HECW1: variants seen among roughly 807,000 people sequenced by gnomAD.
HECW1 encodes HECT, C2 and WW domain containing E3 ubiquitin protein ligase 1, also known as E3 ubiquitin-protein ligase HECW1.
HECW1 carries 61 observed loss-of-function variants against 182.3 expected under a neutral mutation model. That is an observed-to-expected ratio of 0.33 (90% CI 0.27 to 0.41). The LOEUF (loss-of-function observed/expected upper bound fraction) is 0.41, where lower values mean the gene tolerates loss of function less well. Ranked by LOEUF, HECW1 falls within the 10% of genes least tolerant of loss-of-function variation. The pLI, the probability that HECW1 is intolerant of heterozygous loss-of-function variation, is 1.00. For synonymous variants in HECW1, 859 were observed against 832.6 expected, an observed-to-expected ratio of 1.03 and a Z score of -0.55; for missense variants, 1,739 against 2,108.9, an observed-to-expected ratio of 0.82 and a Z score of 3.44.
In HECW1 at chr7:43,541,905, G is replaced by C; in HGVS notation, c.4155G>C (p.Glu1385Asp). 1 of 1,544,026 alleles carries C rather than the reference G, an allele frequency of 6.5e-7. No individual in the cohort carries two copies. Among genetic ancestry groups the C allele is most frequent in the Non-Finnish European group, 8.7e-7 (1 of 1,145,644 alleles). Residue 1385 changes from glutamate to aspartate, a missense_variant, in exon 26 of 30, where the codon GAG becomes GAC. Coordinates refer to ENST00000395891, the MANE Select transcript of HECW1 (RefSeq NM_015052.5). The part of the protein sequence containing the change: ...CDLSDLEYLD[E>D]EFHQSLQWMK... Reference sequence around the variant, plus strand: ...TGAGTGACCTGGAATATTTGGATGAGGAATTCCACCAGAGTTTGCAGTGGA... The same window carrying C: ...TGAGTGACCTGGAATATTTGGATGACGAATTCCACCAGAGTTTGCAGTGGA...
At chr7:43,202,292 C>T (rs185217820) in intron 2 of HECW1, among the ~76,000 whole-genome samples, 29 of 152,232 alleles carry the variant, frequency 1.9e-4, no homozygotes, top group Admixed American at 7.8e-4. Flanking sequence ...ATCTGTACTC[C>T]GTAGGATCTC....
chr7:43,355,401 A>G (rs1487048264), intron 5 of HECW1, among the ~76,000 whole-genome samples: 2 of 152,198 alleles, frequency 1.3e-5, no homozygotes, highest in Non-Finnish European at 2.9e-5. Flanking sequence ...AAGTAATATA[A>G]AAATATGTAA....
intron 16 of HECW1, among the ~76,000 whole-genome samples, chr7:43,476,474 C>T (rs1418520894): frequency 6.6e-6 from 1 of 151,996 alleles, no homozygotes; most frequent in African/African-American, 2.4e-5. Context: ...AAACAAAATC[C>T]CAATAGAACT....
At chr7:43,340,010 C>T (rs1036802430) in intron 5 of HECW1, among the ~76,000 whole-genome samples, 6 of 151,858 alleles carry the variant, frequency 4.0e-5, no homozygotes, top group African/African-American at 1.5e-4. Context: ...CTGTAACTCT[C>T]GCCCCATCTA....
Position 43,444,905 on chromosome 7 carries a change from C to G in HECW1, c.1733C>G (p.Ala578Gly). 6.2e-7 allele frequency: 1 copy of G among 1,601,884 alleles called. No homozygotes were observed. Among genetic ancestry groups the G allele is most frequent in the Non-Finnish European group, 8.5e-7 (1 of 1,172,930 alleles). The change falls in exon 11 of 30, where the codon GCG becomes GGG. Residue 578 changes from alanine (A) to glycine (G), a missense_variant. Around this residue, in one of 5 missense-constraint regions of HECW1, gnomAD observed 971 missense variants for 1,029.1 expected, o/e 0.94. Coordinates refer to ENST00000395891, the MANE Select transcript of HECW1 (RefSeq NM_015052.5). This position sits in a 1 kb window ranked among gnomAD's most constrained non-coding sequence, Gnocchi z 4.3. ...HSMPSAQGGSAAEEEDGAEEE... is the reference protein window; with the variant it reads ...HSMPSAQGGSGAEEEDGAEEE... ...ATGCCCTCCGCCCAGGGCGGCAGCG[C>G]GGCAGAGGAGGAGGACGGCGCGGAG...
At chr7:43,292,786 C>T (rs1805554119) in intron 3 of HECW1, among the ~76,000 whole-genome samples, 1 of 152,048 alleles carries the variant, frequency 6.6e-6, no homozygotes. Context: ...CAGCTCAGCC[C>T]CTATGATAGT....
chr7:43,228,535 G>T (rs1199173264), intron 2 of HECW1, among the ~76,000 whole-genome samples: 1 of 152,142 alleles, frequency 6.6e-6, no homozygotes, highest in Non-Finnish European at 1.5e-5. Context: ...GTTGAGTTTG[G>T]GGGAGAAGAA....
intron 24 of HECW1, among the ~76,000 whole-genome samples, chr7:43,537,997 G>A (rs4724216): frequency 0.017 from 2,580 of 152,166 alleles, 71 homozygotes; most frequent in African/African-American, 0.059. Context: ...GATCCCACCC[G>A]CTGGTTGAGA....
At position 43,562,911 on chromosome 7, in the gene HECW1, A is replaced by C. The variant is rs2082247674; in HGVS notation, c.*985A>C. 4.6e-6 allele frequency: 1 copy of C among 215,668 alleles called. No individual in the cohort carries two copies. Among genetic ancestry groups the C allele is most frequent in the Non-Finnish European group, 9.3e-6 (1 of 107,114 alleles). The allele number at this position is 215,668 out of a possible 1,614,324, so 13.4% of individuals were successfully genotyped here. ...ACAGTTCTTCACAAAGGAAAAAAAA[A>C]TGTGTAGATGATACCATGACTTTTG... is the stretch of plus-strand genomic sequence containing the variant. On this transcript the variant is annotated 3_prime_UTR_variant, in exon 30 of 30. Coordinates refer to ENST00000395891, the MANE Select transcript of HECW1 (RefSeq NM_015052.5).
chr7:43,296,472 GAC>G (rs1274593652), intron 3 of HECW1, among the ~76,000 whole-genome samples: 2 of 152,122 alleles, frequency 1.3e-5, no homozygotes, highest in African/African-American at 4.8e-5. Context: ...TTCATGACAA[GAC>G]ACACACTCAT....
In HECW1 at chr7:43,150,888, G is replaced by A. The variant is rs555036428; in HGVS notation, c.-32+36497G>A. 2.1e-3 allele frequency: 319 copies of A among 154,796 alleles called. 1 individual carries two copies. The highest frequency in any genetic ancestry group is 7.1e-3 in the African/African-American group (297 of 41,556). 9.6% of individuals were successfully genotyped at this position (154,796 alleles called of 1,614,324 possible). A position where few individuals can be genotyped will look rare whatever the true frequency, so the allele number is the denominator to read the frequency against. On this transcript the variant is annotated intron_variant, in intron 2 of 29. Transcript: ENST00000395891. ...GAAGGACTTCAGCATCTTTATCAGC[G>A]CCCCCCCACACAGACGGCAGCTGCG...
intron 3 of HECW1, among the ~76,000 whole-genome samples, chr7:43,281,138 C>T (rs1408260431): frequency 6.6e-6 from 1 of 152,152 alleles, no homozygotes; most frequent in African/African-American, 2.4e-5. Flanking sequence ...CACCTCCGCC[C>T]ACCCAAGCAA....
At chr7:43,508,892 A>T (rs998636633) in intron 23 of HECW1, 77 bp from the exon 24 acceptor site, 1 of 1,503,008 alleles carries the variant, frequency 6.7e-7, no homozygotes, top group East Asian at 2.3e-5. Context: ...GAAAGGGCAC[A>T]CTAGAATCTG....
At chr7:43,120,590 C>T (rs1009777845) in intron 2 of HECW1, among the ~76,000 whole-genome samples, 2 of 152,124 alleles carry the variant, frequency 1.3e-5, no homozygotes, top group Non-Finnish European at 2.9e-5. Flanking sequence ...AATCCAACCT[C>T]AGAACTTTCT....
chr7:43,140,342 G>T (rs973598364), intron 2 of HECW1, among the ~76,000 whole-genome samples: 1 of 152,156 alleles, frequency 6.6e-6, no homozygotes. Context: ...GGCCATAGAG[G>T]TGCTTCTTGA....
At chr7:43,363,098 G>T in intron 6 of HECW1, among the ~76,000 whole-genome samples, 1 of 152,220 alleles carries the variant, frequency 6.6e-6, no homozygotes, top group East Asian at 1.9e-4. Context: ...TTCACCTGCT[G>T]CTCAGACCAG....
At chr7:43,553,073 G>T (rs1172053105) in intron 28 of HECW1, among the ~76,000 whole-genome samples, 2 of 152,190 alleles carry the variant, frequency 1.3e-5, no homozygotes, top group Non-Finnish European at 2.9e-5. Flanking sequence ...CCACAACACG[G>T]TTCTAACCGT....
chr7:43,432,300 C>T lies in HECW1; in HGVS notation c.802-5703C>T, dbSNP rs912910878. On this transcript the variant is annotated intron_variant, in intron 8 of 29. Transcript: ENST00000395891. The surrounding 1 kb of genome is among the most constrained non-coding windows in gnomAD (Gnocchi z 4.1). ...GACTACAGGCGCCCGCCACTACACCCGGCTAATTTTTTGTATTTTTAGTAG... is the reference window on the plus strand; with the variant it reads ...GACTACAGGCGCCCGCCACTACACCTGGCTAATTTTTTGTATTTTTAGTAG... 1.5e-4 allele frequency among the ~76,000 whole-genome samples: 23 copies of T among 151,814 alleles called. No homozygotes were observed. The highest frequency in any genetic ancestry group is 1.3e-3 in the South Asian group (6 of 4,794).
rs57720851 is a variant in HECW1 at position 43,378,908 on chromosome 7, A to C, written c.556-17906A>C. On this transcript the variant is annotated intron_variant, in intron 6 of 29. Transcript: ENST00000395891. Reference sequence around the variant, plus strand: ...GACTGTCTCAAAAAACAAAATAAAAAACCCTTTGCGCTTTGAACAGGAAAG... The same window carrying C: ...GACTGTCTCAAAAAACAAAATAAAACACCCTTTGCGCTTTGAACAGGAAAG... Among the ~76,000 whole-genome samples the C allele has an allele frequency of 4.2e-3, 638 of 152,240 alleles. 6 individuals are homozygous for C. Among genetic ancestry groups the C allele is most frequent in the East Asian group, 0.019 (100 of 5,182 alleles).
Sources: gnomAD v4.1 joint callset for allele counts (sites outside exome capture counted in the v4.1 genomes callset) on GRCh38, gnomAD v4.1.1 for gene constraint, gnomAD v4.1.1 regional missense constraint, Gnocchi (gnomAD v3.1) non-coding constraint, MANE v1.5 for transcripts, NCBI Gene and HGNC (gene_info 2026-07-23, HGNC 2026-07-21) for gene names.